The following SYCP2L variants were observed in gnomAD, a reference collection of about 807,000 sequenced individuals.
SYCP2L encodes the protein synaptonemal complex protein 2 like.
A neutral mutation model predicts 125.8 loss-of-function variants in SYCP2L; 98 were observed. The observed-to-expected ratio is 0.78, with a 90% CI of 0.66 to 0.92. The LOEUF (loss-of-function observed/expected upper bound fraction) is 0.92, where lower values mean the gene tolerates loss of function less well. Among genes scored for constraint, SYCP2L ranks in the 40% least tolerant of loss-of-function variants. SYCP2L has a pLI of 0.00. For synonymous variants in SYCP2L, 317 were observed against 325.4 expected, an observed-to-expected ratio of 0.97 and a Z score of 0.28; for missense variants, 842 against 936.4, an observed-to-expected ratio of 0.90 and a Z score of 1.32.
chr6:10,887,583 A>C (rs544831175), intron 1 of SYCP2L, among the ~76,000 whole-genome samples: 1 of 152,344 alleles, frequency 6.6e-6, no homozygotes, highest in Non-Finnish European at 1.5e-5. Context: ...TAAATAATAA[A>C]AAAAAACACA....
chr6:10,940,087 AC>A (rs35687941), intron 21 of SYCP2L, among the ~76,000 whole-genome samples: 32,605 of 152,130 alleles, frequency 0.21, 4,220 homozygotes, highest in East Asian at 0.43. Flanking sequence ...GGGTATATGT[AC>A]TCAACATCAC....
chr6:10,945,009 C>T (rs1288415120), intron 23 of SYCP2L, among the ~76,000 whole-genome samples: 1 of 152,102 alleles, frequency 6.6e-6, no homozygotes. Flanking sequence ...CCACCGTGCC[C>T]GGCCTAAAAT....
At chr6:10,887,953 T>A (rs919913815) in intron 1 of SYCP2L, among the ~76,000 whole-genome samples, 2 of 152,106 alleles carry the variant, frequency 1.3e-5, no homozygotes, top group African/African-American at 4.8e-5. Context: ...CCTGTTACAT[T>A]GAAAGCTGCC....
chr6:10,900,956 C>G (rs1321340553), intron 6 of SYCP2L, among the ~76,000 whole-genome samples: 1 of 152,208 alleles, frequency 6.6e-6, no homozygotes, highest in African/African-American at 2.4e-5. Flanking sequence ...TCTAATCCCT[C>G]TCTCCGAAGT....
At chr6:10,968,885 G>A (rs1286751338) in intron 29 of SYCP2L, among the ~76,000 whole-genome samples, 4 of 152,186 alleles carry the variant, frequency 2.6e-5, no homozygotes, top group Non-Finnish European at 5.9e-5. Flanking sequence ...GTGTTCTGCT[G>A]AATGGTCCAT....
At chr6:10,908,838 C>G (rs1780554280) in intron 10 of SYCP2L, among the ~76,000 whole-genome samples, 1 of 152,134 alleles carries the variant, frequency 6.6e-6, no homozygotes, top group South Asian at 2.1e-4. Context: ...TGAGCCCCAC[C>G]TCTCCAATTT....
chr6:10,965,423 G>A (rs748895750), intron 29 of SYCP2L, among the ~76,000 whole-genome samples: 34 of 152,134 alleles, frequency 2.2e-4, no homozygotes, highest in Non-Finnish European at 4.4e-5. Context: ...AAGAATATGT[G>A]GGTCAAACAG....
At chr6:10,928,566 TTAAA>T in intron 18 of SYCP2L, 116 bp downstream of exon 18, 1 of 1,376,988 alleles carries the variant, frequency 7.3e-7, no homozygotes, top group Non-Finnish European at 9.4e-7. Context: ...ATCTGTCAAT[TTAAA>T]AAAATTTTTT....
intron 20 of SYCP2L, among the ~76,000 whole-genome samples, chr6:10,933,435 C>T (rs1781033923): frequency 6.6e-6 from 1 of 152,214 alleles, no homozygotes; most frequent in Admixed American, 6.5e-5. Context: ...TAGTGGCCAT[C>T]ACAATGACCA....
In SYCP2L at chr6:10,910,096, C is replaced by T. The variant is rs1215273119; in HGVS notation, c.820-52C>T. On this transcript the variant is annotated intron_variant, in intron 10 of 29. Transcript: ENST00000283141. ...CCTCTGTATGCTAAGGTAGTATTAA[C>T]TAAGACATCTTGATTTTTTTTTAAT... 2.2e-5 allele frequency: 33 copies of T among 1,504,676 alleles called. No homozygotes were observed. The Admixed American group carries it at 2.7e-4, about 12-fold the overall frequency. The allele number at this position is 1,504,676 out of a possible 1,614,324, so 93.2% of individuals were successfully genotyped here. A position where few individuals can be genotyped will look rare whatever the true frequency, so the allele number is the denominator to read the frequency against.
rs758581238 is a variant in SYCP2L, at chr6:10,935,191, CAT to C, written c.1813+5_1813+6del. ...GAAGATTCTGCCCAGAAAACAGGTA[CAT>C]GATTTTCTGTTGACTTACATAGGAA... On this transcript the variant is annotated splice_donor_5th_base_variant and intron_variant, in intron 21 of 29. Coordinates refer to ENST00000283141, the MANE Select transcript of SYCP2L (RefSeq NM_001040274.3). 2 of 1,609,934 alleles carry C rather than the reference CAT, an allele frequency of 1.2e-6. No homozygotes were observed. Among genetic ancestry groups the C allele is most frequent in the East Asian group, 4.5e-5 (2 of 44,688 alleles).
chr6:10,937,047 A>G (rs915867867), intron 21 of SYCP2L, among the ~76,000 whole-genome samples: 5 of 152,264 alleles, frequency 3.3e-5, no homozygotes, highest in Non-Finnish European at 4.4e-5. Flanking sequence ...TAGAAAATCA[A>G]TAAGGAAACA....
intron 21 of SYCP2L, among the ~76,000 whole-genome samples, chr6:10,938,024 A>G (rs1642827852): frequency 6.6e-6 from 1 of 152,192 alleles, no homozygotes; most frequent in Admixed American, 6.5e-5. Context: ...ACTCTTCCAA[A>G]AAACTGAGGT....
At chr6:10,900,981 A>C (rs968491659) in intron 6 of SYCP2L, among the ~76,000 whole-genome samples, 4 of 152,178 alleles carry the variant, frequency 2.6e-5, no homozygotes, top group African/African-American at 7.2e-5. Context: ...AGATGTTTTC[A>C]CTGAATTTCT....
At chr6:10,898,334 G>C (rs965097268) in intron 5 of SYCP2L, among the ~76,000 whole-genome samples, 2 of 152,142 alleles carry the variant, frequency 1.3e-5, no homozygotes, top group African/African-American at 4.8e-5. Flanking sequence ...GGCCAACATG[G>C]TGAAACCCAT....
rs536977585 is a variant in SYCP2L at position 10,926,379 on chromosome 6, G to A, written c.1259G>A (p.Ser420Asn). The change falls in exon 16 of 30, where the codon AGT becomes AAT. Residue 420 changes from serine to asparagine, a missense_variant. Physicochemically the swap from Ser to Asn is conservative, Grantham distance 46. Coordinates refer to ENST00000283141, the MANE Select transcript of SYCP2L (RefSeq NM_001040274.3). ...DQTKISSELF[S>N]KSDKEDRESP... is the part of the protein sequence containing the mutation. The stretch of plus-strand genomic sequence containing the variant: ...ACGAAAATCTCCTCAGAACTTTTTA[G>A]TAAGTCTGATAAAGAAGACAGGGAG... 4 of 1,613,568 alleles carry A rather than the reference G, an allele frequency of 2.5e-6. No individual in the cohort carries two copies. In the East Asian group the frequency reaches 6.7e-5, roughly 27 times the overall value.
intron 23 of SYCP2L, among the ~76,000 whole-genome samples, chr6:10,950,326 G>T (rs1467688897): frequency 6.6e-6 from 1 of 152,034 alleles, no homozygotes; most frequent in Non-Finnish European, 1.5e-5. Flanking sequence ...GTTCCGTGCC[G>T]TACTTATTCT....
chr6:10,967,117 G>A (rs1192419818), intron 29 of SYCP2L, among the ~76,000 whole-genome samples: 1 of 152,060 alleles, frequency 6.6e-6, no homozygotes, highest in African/African-American at 2.4e-5. Flanking sequence ...AGATGAATAT[G>A]TATTACCTAG....
At chr6:10,893,688 A>G (rs1780211092) in intron 2 of SYCP2L, among the ~76,000 whole-genome samples, 179 bp from the exon 3 acceptor site, 1 of 152,220 alleles carries the variant, frequency 6.6e-6, no homozygotes, top group African/African-American at 2.4e-5. Flanking sequence ...GTCTTAAACC[A>G]ACGGAAACAT....
Sources: gnomAD v4.1 joint callset for allele counts (sites outside exome capture counted in the v4.1 genomes callset) on GRCh38, gnomAD v4.1.1 for gene constraint, MANE v1.5 for transcripts, NCBI Gene and HGNC (gene_info 2026-07-23, HGNC 2026-07-21) for gene names.